HEATR3: variants seen among roughly 807,000 people sequenced by gnomAD.
HEATR3 encodes the protein HEAT repeat containing 3.
HEATR3 carries 56 observed loss-of-function variants against 72.8 expected under a neutral mutation model. That is an observed-to-expected ratio of 0.77 (90% confidence interval 0.62 to 0.96). The LOEUF (loss-of-function observed/expected upper bound fraction) is 0.96. Among genes scored for constraint, HEATR3 ranks in the 40% least tolerant of loss-of-function variants. HEATR3 has a pLI of 0.00. For synonymous variants in HEATR3, 331 were observed against 318.1 expected (o/e 1.04, Z -0.43); for missense variants, 747 against 831.4 (o/e 0.90, Z 1.25).
intron 11 of HEATR3, 57 bp from the exon 12 acceptor site, chr16:50,094,648 T>C (rs758259178): frequency 4.0e-6 from 4 of 1,000,974 alleles, no homozygotes; most frequent in Non-Finnish European, 6.0e-6. Flanking sequence ...TTGTTGCTTC[T>C]ACAAAATAGC....
At chr16:50,066,653 G>A (rs2036504484) in intron 2 of HEATR3, 114 bp downstream of exon 2, 2 of 987,648 alleles carry the variant, frequency 2.0e-6, no homozygotes, top group East Asian at 6.7e-5. Flanking sequence ...CACTGGCCCG[G>A]TCTCCCGTTT....
In HEATR3 at chr16:50,105,310, C is replaced by T. The variant is rs927618563; in HGVS notation, c.*249C>T. On this transcript the variant is annotated 3_prime_UTR_variant, in exon 15 of 15. Transcript: ENST00000299192. ...GCCAGCCTGGCCAACATGGTGAAAC[C>T]GCATGCATAAGCATGGTGGCACATG... 10 of 376,536 alleles carry T rather than the reference C, an allele frequency of 2.7e-5. No homozygotes were observed. Among genetic ancestry groups the T allele is most frequent in the African/African-American group, 1.3e-4 (6 of 47,334 alleles). The allele number at this position is 376,536 out of a possible 1,614,324, so 23.3% of individuals were successfully genotyped here. A position where few individuals can be genotyped will look rare whatever the true frequency, so the allele number is the denominator to read the frequency against.
In HEATR3 at chr16:50,086,350, A is replaced by G; in HGVS notation, c.1509A>G (p.Pro503=). The change falls in exon 11 of 15, where the codon CCA becomes CCG. Residue 503 remains proline (P), a splice_region_variant and synonymous_variant. Transcript: ENST00000299192. ...TGTCACAGCTGCTTTTTTCTCAACC[A>G]GGTATTTAGACTTTATTGCGAAAGA... ...QHLSQLLFSQ[P]DFAKHVDFLE... 3 of 1,604,126 alleles carry G rather than the reference A, an allele frequency of 1.9e-6. No individual in the cohort carries two copies. The highest frequency in any genetic ancestry group is 2.6e-6 in the Non-Finnish European group (3 of 1,175,724).
chr16:50,094,952 A>G (rs1036944294), intron 12 of HEATR3, 159 bp downstream of exon 12: 10 of 464,838 alleles, frequency 2.2e-5, no homozygotes, highest in African/African-American at 8.2e-5. Flanking sequence ...ATAAAAAGTA[A>G]TATCTTTCTG....
chr16:50,092,251 T>G (rs1462171733), intron 11 of HEATR3, among the ~76,000 whole-genome samples: 1 of 151,778 alleles, frequency 6.6e-6, no homozygotes, highest in Non-Finnish European at 1.5e-5. Flanking sequence ...CAGGAGCTGA[T>G]TGCTTGAGCC....
chr16:50,072,706 TTTC>T lies in HEATR3; in HGVS notation c.615_617del (p.Ser206del), dbSNP rs1424357123. On this transcript the variant is annotated inframe_deletion, in exon 5 of 15. Transcript: ENST00000299192. ...TTTCCTACCAATGTTGACCTGGCTA[TTTC>T]AGTAGGTAAGTGAAGAAAAGGTGAT... 7 of 1,557,176 alleles carry T rather than the reference TTTC, an allele frequency of 4.5e-6. No homozygotes were observed. Among genetic ancestry groups the T allele is most frequent in the Non-Finnish European group, 6.2e-6 (7 of 1,128,048 alleles).
chr16:50,068,678 C>G, intron 2 of HEATR3, 102 bp from the exon 3 acceptor site: 1 of 883,726 alleles, frequency 1.1e-6, no homozygotes, highest in Non-Finnish European at 1.8e-6. Context: ...GCTATTTCCT[C>G]TGGGAAACCT....
At position 50,084,547 on chromosome 16, in the gene HEATR3, T is replaced by G; in HGVS notation, c.1291-22T>G. ...AAATGACTACTCTTTAACCTTTGCT[T>G]TACTGCCTCTTTTAAATCTAGATTT... On this transcript the variant is annotated intron_variant, in intron 9 of 14. Transcript: ENST00000299192. The G allele has an allele frequency of 1.9e-6, 3 of 1,553,460 alleles. No individual in the cohort carries two copies. The South Asian group carries it at 3.4e-5, about 17-fold the overall frequency.
At chr16:50,099,515 A>G (rs2037319849) in intron 12 of HEATR3, among the ~76,000 whole-genome samples, 1 of 152,136 alleles carries the variant, frequency 6.6e-6, no homozygotes, top group African/African-American at 2.4e-5. Flanking sequence ...ATTTGAACCC[A>G]GGGTTCAATC....
At chr16:50,075,926 A>G (rs2036717896) in intron 6 of HEATR3, among the ~76,000 whole-genome samples, 1 of 152,196 alleles carries the variant, frequency 6.6e-6, no homozygotes, top group East Asian at 1.9e-4. Flanking sequence ...TTAACAAACT[A>G]CTGTTAACCT....
At chr16:50,096,194 G>A (rs569761070) in intron 12 of HEATR3, among the ~76,000 whole-genome samples, 18 of 151,220 alleles carry the variant, frequency 1.2e-4, no homozygotes, top group African/African-American at 3.2e-4. Flanking sequence ...GCATGGTGGC[G>A]CACTCCTATA....
chr16:50,099,042 C>T (rs2037309316), intron 12 of HEATR3, among the ~76,000 whole-genome samples: 1 of 151,416 alleles, frequency 6.6e-6, no homozygotes, highest in African/African-American at 2.4e-5. Flanking sequence ...GCTATGTTGC[C>T]CAGCCTGGTC....
chr16:50,105,089 C>T lies in HEATR3; in HGVS notation c.*28C>T, dbSNP rs766973918. ...AATCCAAAAAAGAAACCAGTTCTTC[C>T]CCCAAAGTATTCAATGCTTAGAATA... On this transcript the variant is annotated 3_prime_UTR_variant, in exon 15 of 15. Coordinates refer to ENST00000299192, the MANE Select transcript of HEATR3 (RefSeq NM_182922.4). The T allele has an allele frequency of 6.2e-7, 1 of 1,603,174 alleles. No homozygotes were observed. The highest frequency in any genetic ancestry group is 8.5e-7 in the Non-Finnish European group (1 of 1,175,222).
In HEATR3 at chr16:50,066,276, C is replaced by T. The variant is rs767568270; in HGVS notation, c.138+7C>T. ...GGCGGAGCTGCTGGAAAAGGTGAGG[C>T]GAGGGCTCCGTCGGGCCGGGAGGCG... On this transcript the variant is annotated splice_region_variant and intron_variant, in intron 1 of 14. Transcript: ENST00000299192. 1.3e-5 allele frequency: 20 copies of T among 1,571,892 alleles called. No individual in the cohort carries two copies. The highest frequency in any genetic ancestry group is 1.2e-4 in the East Asian group (5 of 42,430).
intron 13 of HEATR3, among the ~76,000 whole-genome samples, chr16:50,101,513 A>G (rs1199663581): frequency 6.6e-6 from 1 of 152,152 alleles, no homozygotes; most frequent in East Asian, 1.9e-4. Context: ...TACACTGCTG[A>G]AGTCCACATG....
At chr16:50,096,079 C>T (rs1443957526) in intron 12 of HEATR3, among the ~76,000 whole-genome samples, 1 of 151,978 alleles carries the variant, frequency 6.6e-6, no homozygotes, top group Non-Finnish European at 1.5e-5. Context: ...AATCCCAGCA[C>T]TTTGGGAGGC....
intron 5 of HEATR3, chr16:50,073,002 G>A: frequency 3.3e-6 from 1 of 302,122 alleles, no homozygotes; most frequent in Non-Finnish European, 6.1e-6. Context: ...AATTCTTGAA[G>A]TTTTCATCTC....
chr16:50,075,585 A>T lies in HEATR3; in HGVS notation c.637A>T (p.Thr213Ser). 1 of 1,613,088 alleles carries T rather than the reference A, an allele frequency of 6.2e-7. No individual in the cohort carries two copies. The highest frequency in any genetic ancestry group is 8.5e-7 in the Non-Finnish European group (1 of 1,179,178). The change falls in exon 6 of 15, where the codon ACA becomes TCA. Residue 213 changes from threonine (T) to serine (S), a missense_variant. Coordinates refer to ENST00000299192, the MANE Select transcript of HEATR3 (RefSeq NM_182922.4). ...TTGCCTCGTAGCATATTGTTTGCAG[A>T]CAGTGACTGAGGATAACCCAGAGCT... ...LAISVAYCLQ[T>S]VTEDNPELLK... is the part of the protein sequence containing the mutation.
intron 11 of HEATR3, among the ~76,000 whole-genome samples, chr16:50,090,378 G>T (rs1398459464): frequency 6.6e-6 from 1 of 152,048 alleles, no homozygotes; most frequent in African/African-American, 2.4e-5. Context: ...AGAGAATTTA[G>T]TGCGGAGAAT....
Sources: allele counts gnomAD v4.1 joint callset (sites outside exome capture counted in the v4.1 genomes callset), GRCh38; gene constraint gnomAD v4.1.1; transcripts MANE v1.5; gene names NCBI Gene and HGNC (gene_info 2026-07-23, HGNC 2026-07-21).